CNTNAP2: variants seen among roughly 807,000 people sequenced by gnomAD.
CNTNAP2 encodes the protein contactin associated protein 2.
In CNTNAP2, 98 loss-of-function variants were observed where a neutral mutation model predicts 155.2. That is an observed-to-expected ratio of 0.63 (90% CI 0.54 to 0.75). The LOEUF (loss-of-function observed/expected upper bound fraction) is 0.75. Among genes scored for constraint, CNTNAP2 ranks in the 30% least tolerant of loss-of-function variants. CNTNAP2 has a pLI of 0.00. For synonymous variants in CNTNAP2, 651 were observed against 631.2 expected (o/e 1.03, Z -0.47); for missense variants, 1,727 against 1,688.1 (o/e 1.02, Z -0.40).
chr7:147,462,979 T>C (rs2116591537), intron 10 of CNTNAP2, among the ~76,000 whole-genome samples: 1 of 152,352 alleles, frequency 6.6e-6, no homozygotes, highest in East Asian at 1.9e-4. Flanking sequence ...ACTGTTTTAT[T>C]TGAATTAACA....
chr7:147,690,417 C>A (rs1034879), intron 13 of CNTNAP2, among the ~76,000 whole-genome samples: 3,953 of 152,238 alleles, frequency 0.026, 84 homozygotes, highest in Non-Finnish European at 0.041. Flanking sequence ...AGGGGCTCTT[C>A]ACTCAGCATT....
intron 19 of CNTNAP2, 97 bp downstream of exon 19, chr7:148,217,621 C>A: frequency 3.8e-6 from 5 of 1,313,600 alleles, no homozygotes; most frequent in Non-Finnish European, 2.2e-6. Context: ...GTTATTTATT[C>A]CCCATAGGCT....
chr7:147,397,771 T>A (rs7778767), intron 10 of CNTNAP2, among the ~76,000 whole-genome samples: 3,929 of 65,522 alleles, frequency 0.06, 186 homozygotes, highest in African/African-American at 0.18. Flanking sequence ...ATACACAAAA[T>A]TTTTTTTTTT....
chr7:147,756,297 C>G (rs115603581), intron 13 of CNTNAP2, among the ~76,000 whole-genome samples: 98 of 152,134 alleles, frequency 6.4e-4, no homozygotes, highest in African/African-American at 2.2e-3. Flanking sequence ...CTGACTACAG[C>G]TTTTTTTTCC....
chr7:147,897,971 G>C (rs952911828), intron 13 of CNTNAP2, among the ~76,000 whole-genome samples: 13 of 152,216 alleles, frequency 8.5e-5, no homozygotes, highest in African/African-American at 3.1e-4. Context: ...CACAGCTTCA[G>C]GGTGGACCTT....
chr7:148,108,302 AG>A (rs1804267485), intron 15 of CNTNAP2, among the ~76,000 whole-genome samples: 1 of 152,110 alleles, frequency 6.6e-6, no homozygotes, highest in Admixed American at 6.6e-5. Context: ...AGCGTAACAC[AG>A]GGCTGGTGCT....
At chr7:146,690,626 T>C (rs1800682694) in intron 1 of CNTNAP2, among the ~76,000 whole-genome samples, 1 of 152,184 alleles carries the variant, frequency 6.6e-6, no homozygotes, top group Admixed American at 6.5e-5. Context: ...TCTCGACCAG[T>C]AGAAGGTAGT....
chr7:147,052,202 C>A (rs189706982), intron 4 of CNTNAP2, among the ~76,000 whole-genome samples: 1 of 152,098 alleles, frequency 6.6e-6, no homozygotes, highest in East Asian at 1.9e-4. Context: ...TATCAGATAT[C>A]ATATACCATT....
At chr7:147,316,520 A>G (rs1425208824) in intron 9 of CNTNAP2, among the ~76,000 whole-genome samples, 2 of 152,196 alleles carry the variant, frequency 1.3e-5, no homozygotes, top group African/African-American at 4.8e-5. Context: ...GTGTTTATTA[A>G]AAGGAGTGTT....
intron 8 of CNTNAP2, among the ~76,000 whole-genome samples, chr7:147,249,604 T>TCAAAAAAAAAAAAAAAAAAAAAA (rs1804143153): frequency 1.4e-5 from 1 of 70,030 alleles, no homozygotes; most frequent in African/African-American, 6.0e-5. Context: ...ACATTGGAGG[T>TCAAAAAAAAAAAAAAAAAAAAAA]AAAAAAAAAA....
chr7:147,192,998 G>GA (rs1302204531), intron 8 of CNTNAP2, among the ~76,000 whole-genome samples: 2 of 152,024 alleles, frequency 1.3e-5, no homozygotes, highest in Admixed American at 1.3e-4. Flanking sequence ...AGATATCTTG[G>GA]AAAAAAACGC....
At chr7:148,102,280 C>T (rs1252922738) in intron 15 of CNTNAP2, among the ~76,000 whole-genome samples, 1 of 152,234 alleles carries the variant, frequency 6.6e-6, no homozygotes, top group Non-Finnish European at 1.5e-5. Flanking sequence ...CAGCCCCATG[C>T]ATGTTCCCTC....
At chr7:148,361,717 C>T (rs1209539120) in intron 21 of CNTNAP2, among the ~76,000 whole-genome samples, 4 of 152,200 alleles carry the variant, frequency 2.6e-5, no homozygotes, top group Admixed American at 6.5e-5. Flanking sequence ...TCCGTTCTCA[C>T]GCTGCTATGA....
In CNTNAP2 at chr7:147,746,892, T is replaced by A. The variant is rs181454564; in HGVS notation, c.2098+107586T>A. On this transcript the variant is annotated intron_variant, in intron 13 of 23. Transcript: ENST00000361727. ...CACACTATTTTATTTTCCTTCTAGT[T>A]AATGATGCCTTGGGCTTTAGGGCCA... Among the ~76,000 whole-genome samples the A allele has an allele frequency of 1.2e-3, 186 of 152,294 alleles. 2 individuals are homozygous for A. Among genetic ancestry groups the A allele is most frequent in the Non-Finnish European group, 1.4e-3 (97 of 68,022 alleles).
At chr7:147,376,241 C>A (rs1390025455) in intron 9 of CNTNAP2, among the ~76,000 whole-genome samples, 1 of 151,902 alleles carries the variant, frequency 6.6e-6, no homozygotes, top group Non-Finnish European at 1.5e-5. Context: ...AGGGCAGTCC[C>A]AGTGTTCAGA....
At chr7:148,276,709 T>C (rs1291775223) in intron 21 of CNTNAP2, among the ~76,000 whole-genome samples, 4 of 152,242 alleles carry the variant, frequency 2.6e-5, no homozygotes, top group African/African-American at 9.6e-5. Flanking sequence ...AGGAAGGATG[T>C]TTTTTAATCC....
At chr7:148,156,633 C>T (rs1805404212) in intron 17 of CNTNAP2, among the ~76,000 whole-genome samples, 1 of 152,146 alleles carries the variant, frequency 6.6e-6, no homozygotes, top group Admixed American at 6.5e-5. Context: ...CCTCTCTTCT[C>T]TCAGGAACTC....
At chr7:146,170,516 T>A (rs1215288610) in intron 1 of CNTNAP2, among the ~76,000 whole-genome samples, 1 of 152,198 alleles carries the variant, frequency 6.6e-6, no homozygotes, top group Non-Finnish European at 1.5e-5. Flanking sequence ...CACTAGTTTT[T>A]TTTTTACAGG....
chr7:146,123,409 G>C (rs779193016), intron 1 of CNTNAP2, among the ~76,000 whole-genome samples: 4 of 152,130 alleles, frequency 2.6e-5, no homozygotes, highest in Non-Finnish European at 4.4e-5. Context: ...CATCTGCACT[G>C]GGATGGTGAT....
Sources: allele counts gnomAD v4.1 joint callset (sites outside exome capture counted in the v4.1 genomes callset), GRCh38; gene constraint gnomAD v4.1.1; transcripts MANE v1.5; gene names NCBI Gene and HGNC (gene_info 2026-07-23, HGNC 2026-07-21).